ZNF536: variants seen among roughly 807,000 people sequenced by gnomAD.
ZNF536 encodes zinc finger protein 536.
ZNF536 carries 13 observed loss-of-function variants against 84.5 expected under a neutral mutation model. That is an observed-to-expected ratio of 0.15 (90% CI 0.10 to 0.24). ZNF536 has a LOEUF of 0.24. ZNF536 is among the 10% of genes least tolerant of loss of function. The pLI is 1.00. For missense variants in ZNF536, 1,536 were observed against 1,747.5 expected, an observed-to-expected ratio of 0.88 and a Z score of 2.16; for synonymous variants, 811 against 742.5, an observed-to-expected ratio of 1.09 and a Z score of -1.50.
chr19:30,474,429 C>G (rs116616779), intron 2 of ZNF536, among the ~76,000 whole-genome samples: 2 of 152,028 alleles, frequency 1.3e-5, no homozygotes, highest in Admixed American at 1.3e-4. Context: ...TTGTTCCTCA[C>G]GTTTTCCACT....
intron 1 of ZNF536, among the ~76,000 whole-genome samples, chr19:30,273,909 A>G (rs933410663): frequency 3.9e-5 from 6 of 152,252 alleles, no homozygotes; most frequent in Non-Finnish European, 7.3e-5. Flanking sequence ...ATGCATGCAT[A>G]TATGTGCAAG....
rs192158465 is a variant in ZNF536 at position 30,325,142 on chromosome 19, T to C, written c.-119-27226T>C. Among the ~76,000 whole-genome samples, 11 of 152,308 alleles carry C rather than the reference T, an allele frequency of 7.2e-5. No individual in the cohort carries two copies. The East Asian group carries it at 2.1e-3, about 29-fold the overall frequency. ...AATGATAGCCAGGCTGGAAAGGGCT[T>C]TGTGGAGGGGTTGGTGTCAAGTGCA... On this transcript the variant is annotated intron_variant, in intron 2 of 5. Coordinates refer to the ZNF536 transcript ENST00000585628.
At chr19:30,558,321 C>T (rs543636283), downstream of ZNF536, among the ~76,000 whole-genome samples, 61 of 152,250 alleles carry the variant, frequency 4.0e-4, no homozygotes, top group African/African-American at 1.4e-3. Context: ...CCAGGCGACA[C>T]GGGCCCGTTT....
At chr19:30,498,965 T>C (rs1194684939) in intron 2 of ZNF536, among the ~76,000 whole-genome samples, 1 of 152,124 alleles carries the variant, frequency 6.6e-6, no homozygotes, top group Non-Finnish European at 1.5e-5. Context: ...TTTGAGCCTT[T>C]AGGTGACAGT....
At chr19:30,491,258 G>A (rs55700449) in intron 2 of ZNF536, among the ~76,000 whole-genome samples, 14,542 of 152,210 alleles carry the variant, frequency 0.096, 959 homozygotes, top group Non-Finnish European at 0.15. Context: ...GAATTCTGGG[G>A]ACATTGTTCC....
In ZNF536 at chr19:30,280,513, G is replaced by T. The variant is rs1208594711; in HGVS notation, c.-189-3559G>T. ...GGACTGTCCTCTGCATGTGCCCGGGGTTTGCTGTGGCCTCAGTGATGGTGA... is the reference window on the plus strand; with the variant it reads ...GGACTGTCCTCTGCATGTGCCCGGGTTTTGCTGTGGCCTCAGTGATGGTGA... On this transcript the variant is annotated intron_variant, in intron 1 of 5. Transcript: ENST00000585628. Among the ~76,000 whole-genome samples, 10 of 152,306 alleles carry T rather than the reference G, an allele frequency of 6.6e-5. No individual in the cohort carries two copies. The East Asian group carries it at 1.9e-3, about 29-fold the overall frequency.
chr19:30,235,849 C>T (rs979718023), intron 1 of ZNF536, among the ~76,000 whole-genome samples: 2 of 152,246 alleles, frequency 1.3e-5, no homozygotes, highest in Admixed American at 6.5e-5. Flanking sequence ...GCCAGGGCCC[C>T]CAGTTTTGGG....
chr19:30,297,666 G>A (rs1253058642), intron 2 of ZNF536, among the ~76,000 whole-genome samples: 1 of 152,120 alleles, frequency 6.6e-6, no homozygotes, highest in Non-Finnish European at 1.5e-5. Flanking sequence ...AGAAATGATG[G>A]CCGCTCGAGT....
At chr19:30,671,816 C>T (rs1376631213) in intron 1 of ZNF536, among the ~76,000 whole-genome samples, 1 of 152,240 alleles carries the variant, frequency 6.6e-6, no homozygotes, top group Non-Finnish European at 1.5e-5. Context: ...TCTTCCGACC[C>T]TGGGAGGCTG....
intron 1 of ZNF536, among the ~76,000 whole-genome samples, chr19:30,385,760 G>C (rs1275164228): frequency 2.0e-5 from 3 of 152,102 alleles, no homozygotes; most frequent in Non-Finnish European, 2.9e-5. Flanking sequence ...GTTTACCCCA[G>C]GTGCAACTCC....
At chr19:30,384,098 CTCTTT>C (rs2049198489) in intron 1 of ZNF536, among the ~76,000 whole-genome samples, 1 of 86,530 alleles carries the variant, frequency 1.2e-5, no homozygotes, top group Non-Finnish European at 2.3e-5. Flanking sequence ...CCACCTCTTT[CTCTTT>C]CTTTCTTTCT....
chr19:30,575,979 C>A (rs11670279), intron 1 of ZNF536, among the ~76,000 whole-genome samples: 45,567 of 152,042 alleles, frequency 0.3, 6,982 homozygotes, highest in East Asian at 0.42. Context: ...GGGGTGTGCG[C>A]CCCATGCAGT....
intron 1 of ZNF536, among the ~76,000 whole-genome samples, chr19:30,260,184 T>C (rs1004731934): frequency 6.6e-6 from 1 of 152,144 alleles, no homozygotes; most frequent in Non-Finnish European, 1.5e-5. Context: ...CTAAAATGTG[T>C]TTATTTTAGA....
At chr19:30,604,471 A>G (rs2047799641) in intron 1 of ZNF536, among the ~76,000 whole-genome samples, 1 of 152,206 alleles carries the variant, frequency 6.6e-6, no homozygotes, top group South Asian at 2.1e-4. Flanking sequence ...TTTGGAAAAT[A>G]TAAAATAAAA....
At chr19:30,677,877 G>A (rs1600235906) in intron 1 of ZNF536, among the ~76,000 whole-genome samples, 1 of 152,160 alleles carries the variant, frequency 6.6e-6, no homozygotes, top group Admixed American at 6.5e-5. Context: ...AGGAAAGGAA[G>A]GGCTGTTAGA....
At chr19:30,400,244 A>G (rs1402996413) in intron 1 of ZNF536, among the ~76,000 whole-genome samples, 1 of 152,144 alleles carries the variant, frequency 6.6e-6, no homozygotes, top group African/African-American at 2.4e-5. Flanking sequence ...AGGGCTCAGA[A>G]GTGCAATTGT....
intron 1 of ZNF536, among the ~76,000 whole-genome samples, chr19:30,678,911 G>A (rs988686999): frequency 6.6e-6 from 1 of 152,126 alleles, no homozygotes; most frequent in African/African-American, 2.4e-5. Context: ...ACTCCAGCCT[G>A]GGTGACAGAG....
At chr19:30,588,916 G>A (rs1006409930) in intron 1 of ZNF536, among the ~76,000 whole-genome samples, 1 of 152,130 alleles carries the variant, frequency 6.6e-6, no homozygotes, top group Admixed American at 6.5e-5. Flanking sequence ...TGCGAATATG[G>A]CAAGCGTCAT....
At chr19:30,520,534 A>G (rs2044278898) in intron 2 of ZNF536, among the ~76,000 whole-genome samples, 1 of 152,028 alleles carries the variant, frequency 6.6e-6, no homozygotes, top group Admixed American at 6.6e-5. Flanking sequence ...TGTTTGGAGG[A>G]TAATACCAAG....
Sources: gnomAD v4.1 joint callset for allele counts (sites outside exome capture counted in the v4.1 genomes callset) on GRCh38, gnomAD v4.1.1 for gene constraint, MANE v1.5 for transcripts, NCBI Gene and HGNC (gene_info 2026-07-23, HGNC 2026-07-21) for gene names.